DTX3L: variants seen among roughly 807,000 people sequenced by gnomAD.
DTX3L encodes deltex E3 ubiquitin ligase 3L.
In DTX3L, 34 loss-of-function variants were observed where a neutral mutation model predicts 60.9. That is an observed-to-expected ratio of 0.56 (90% CI 0.42 to 0.74). The LOEUF is 0.74. Among genes scored for constraint, DTX3L ranks in the 30% least tolerant of loss-of-function variants. DTX3L has a pLI of 0.00. For missense variants in DTX3L, 810 were observed against 874.0 expected (o/e 0.93, Z 0.92); for synonymous variants, 290 against 316.6 (o/e 0.92, Z 0.89).
In DTX3L at chr3:122,568,240, C is replaced by T. The variant is rs577406570; in HGVS notation, c.400-249C>T. On this transcript the variant is annotated intron_variant, in intron 2 of 4. Transcript: ENST00000296161. ...AGGAGAATTGCTTGAACCCGGGAGG[C>T]GGAGGTTGCAGTGAGCTGAGATCGC... 2.7e-4 allele frequency among the ~76,000 whole-genome samples: 41 copies of T among 152,152 alleles called. 1 individual carries two copies. The South Asian group carries it at 6.0e-3, about 22-fold the overall frequency.
In DTX3L at chr3:122,569,114, C is replaced by G. The variant is rs2080625617; in HGVS notation, c.1025C>G (p.Thr342Ser). Residue 342 changes from threonine (T) to serine (S), a missense_variant, in exon 3 of 5, where the codon ACT becomes AGT. By Grantham distance (58) the Thr-to-Ser change is moderately conservative (BLOSUM62 1). Coordinates refer to ENST00000296161, the MANE Select transcript of DTX3L (RefSeq NM_138287.3). ...LLIKEKGGEL[T>S]LLGTQDDISA... The stretch of plus-strand genomic sequence containing the variant: ...ATAAAGGAGAAAGGAGGCGAATTAA[C>G]TCTCCTTGGGACCCAAGATGACATT... 1 of 1,614,206 alleles carries G rather than the reference C, an allele frequency of 6.2e-7. No individual in the cohort carries two copies.
intron 2 of DTX3L, among the ~76,000 whole-genome samples, chr3:122,567,400 G>A (rs1425220962): frequency 6.6e-6 from 1 of 152,156 alleles, no homozygotes; most frequent in Non-Finnish European, 1.5e-5. Flanking sequence ...ATGCACTTTG[G>A]TGGCCTTGAT....
rs2080665536 is a variant in DTX3L at position 122,573,967 on chromosome 3, G to A, written c.*2220G>A. The A allele has an allele frequency of 6.6e-6, 1 of 151,388 alleles. No individual in the cohort carries two copies. Among genetic ancestry groups the A allele is most frequent in the Non-Finnish European group, 1.5e-5 (1 of 68,006 alleles). 9.4% of individuals were successfully genotyped at this position (151,388 alleles called of 1,614,324 possible). On this transcript the variant is annotated 3_prime_UTR_variant, in exon 5 of 5. Coordinates refer to ENST00000296161, the MANE Select transcript of DTX3L (RefSeq NM_138287.3). ...ATCCTCCCACCTCAGCCTCTCAAGT[G>A]GCTGGGACCACAGAAGTGCACCACC...
intron 1 of DTX3L, among the ~76,000 whole-genome samples, chr3:122,564,866 C>T (rs945188794): frequency 2.0e-5 from 3 of 152,218 alleles, no homozygotes; most frequent in Non-Finnish European, 4.4e-5. Context: ...TCCATATCCT[C>T]ATTCTAACTT....
intron 2 of DTX3L, 44 bp downstream of exon 2, chr3:122,566,114 C>G: frequency 6.5e-7 from 1 of 1,535,464 alleles, no homozygotes; most frequent in East Asian, 2.3e-5. Flanking sequence ...CGCCTCCTCT[C>G]CAGTCACCAG....
At chr3:122,570,326 G>T in intron 3 of DTX3L, 129 bp from the exon 4 acceptor site, 1 of 939,964 alleles carries the variant, frequency 1.1e-6, no homozygotes. Flanking sequence ...GAGTTATTGG[G>T]AATATGAGCA....
chr3:122,570,148 A>C (rs1226614149), intron 3 of DTX3L, 124 bp downstream of exon 3: 13 of 1,049,128 alleles, frequency 1.2e-5, no homozygotes, highest in Non-Finnish European at 1.7e-5. Flanking sequence ...GTCATGTGCA[A>C]GGGACTGAAA....
intron 2 of DTX3L, among the ~76,000 whole-genome samples, chr3:122,567,386 T>C (rs745695954): frequency 6.6e-6 from 1 of 152,246 alleles, no homozygotes; most frequent in Middle Eastern, 3.4e-3. Flanking sequence ...AAGATGATAA[T>C]GGCATGCACT....
At chr3:122,564,945 C>T (rs1299527917) in intron 1 of DTX3L, among the ~76,000 whole-genome samples, 1 of 152,180 alleles carries the variant, frequency 6.6e-6, no homozygotes, top group Admixed American at 6.5e-5. Flanking sequence ...TCAGGGATTC[C>T]ACTTTTATGT....
At chr3:122,566,573 G>A (rs2080593975) in intron 2 of DTX3L, among the ~76,000 whole-genome samples, 2 of 151,596 alleles carry the variant, frequency 1.3e-5, no homozygotes. Context: ...ATGTTGCCCA[G>A]GCTGTTCTCA....
chr3:122,571,844 T>C lies in DTX3L; in HGVS notation c.*97T>C, dbSNP rs2080647818. ...TCTAAATCCTTATGTAGAAAGGACT[T>C]TGAAATTTTTCTTCTCAAGAAATGG... On this transcript the variant is annotated 3_prime_UTR_variant, in exon 5 of 5. Transcript: ENST00000296161. The C allele has an allele frequency of 9.7e-7, 1 of 1,026,444 alleles. No individual in the cohort carries two copies. The highest frequency in any genetic ancestry group is 1.6e-5 in the African/African-American group (1 of 61,446). 63.6% of individuals were successfully genotyped at this position (1,026,444 alleles called of 1,614,324 possible).
At position 122,569,819 on chromosome 3, in the gene DTX3L, G is replaced by A. The variant is rs1199117420; in HGVS notation, c.1730G>A (p.Cys577Tyr). The stretch of plus-strand genomic sequence containing the variant: ...AGTAACAAAAAAGTGCTACCAAAGT[G>A]CAAGCATGAATTCTGCGCCCCTTGT... ...TISNKKVLPKCKHEFCAPCIN... is the reference protein window; with the variant it reads ...TISNKKVLPKYKHEFCAPCIN... The change falls in exon 3 of 5, where the codon TGC (cysteine) becomes TAC (tyrosine). Residue 577 changes from cysteine (C) to tyrosine (Y), a missense_variant. Transcript: ENST00000296161. 1.2e-6 allele frequency: 2 copies of A among 1,614,114 alleles called. No individual in the cohort carries two copies. Among genetic ancestry groups the A allele is most frequent in the Non-Finnish European group, 8.5e-7 (1 of 1,180,034 alleles).
chr3:122,571,645 G>T, intron 4 of DTX3L, 33 bp from the exon 5 acceptor site: 5 of 1,559,498 alleles, frequency 3.2e-6, no homozygotes, highest in African/African-American at 1.4e-5. Flanking sequence ...CGAACAATTT[G>T]TGGTGACACT....
At chr3:122,570,095 G>A (rs1057323019) in intron 3 of DTX3L, 71 bp downstream of exon 3, 3 of 1,485,378 alleles carry the variant, frequency 2.0e-6, no homozygotes, top group African/African-American at 2.8e-5. Context: ...AGACTGTCCT[G>A]TTGCCTATTA....
At chr3:122,565,819 TTATGTGTGTA>T (rs756775687) in intron 1 of DTX3L, 30 bp from the exon 2 acceptor site, 10 of 1,586,154 alleles carry the variant, frequency 6.3e-6, no homozygotes, top group Middle Eastern at 1.7e-4. Flanking sequence ...TCTCCCATTT[TTATGTGTGTA>T]TATGTGTGTG....
intron 3 of DTX3L, 169 bp from the exon 4 acceptor site, chr3:122,570,286 A>G: frequency 1.3e-6 from 1 of 778,236 alleles, no homozygotes; most frequent in Non-Finnish European, 2.0e-6. Context: ...CAGTGTTTCC[A>G]GCATGAATTC....
In DTX3L at chr3:122,569,942, C is replaced by T; in HGVS notation, c.1853C>T (p.Thr618Ile). Residue 618 changes from threonine (T) to isoleucine (I), a missense_variant, in exon 3 of 5, where the codon ACT (threonine) becomes ATT (isoleucine). Coordinates refer to ENST00000296161, the MANE Select transcript of DTX3L (RefSeq NM_138287.3). ...CAGCCAGAGGGAAGCATGGTTTTCA[C>T]TGTTTCAAGAGACTCACTTCCAGGT... ...GNQPEGSMVF[T>I]VSRDSLPGYE... The T allele has an allele frequency of 6.2e-7, 1 of 1,614,092 alleles. No homozygotes were observed. Among genetic ancestry groups the T allele is most frequent in the Admixed American group, 1.7e-5 (1 of 60,020 alleles).
rs1473259562 is a variant in DTX3L, at chr3:122,574,225, T to C, written c.*2478T>C. The C allele has an allele frequency of 6.6e-6, 1 of 152,174 alleles. No homozygotes were observed. Among genetic ancestry groups the C allele is most frequent in the Non-Finnish European group, 1.5e-5 (1 of 68,042 alleles). 9.4% of individuals were successfully genotyped at this position (152,174 alleles called of 1,614,324 possible). ...AACCGTAGCCCACATTGTAGTAGTT[T>C]TTCAGCTCTTTACTAAGTCCCACCA... On this transcript the variant is annotated 3_prime_UTR_variant, in exon 5 of 5. Coordinates refer to ENST00000296161, the MANE Select transcript of DTX3L (RefSeq NM_138287.3).
chr3:122,573,900 C>A lies in DTX3L; in HGVS notation c.*2153C>A. 1 of 152,218 alleles carries A rather than the reference C, an allele frequency of 6.6e-6. No individual in the cohort carries two copies. Among genetic ancestry groups the A allele is most frequent in the Non-Finnish European group, 1.5e-5 (1 of 68,102 alleles). The allele number at this position is 152,218 out of a possible 1,614,324, so 9.4% of individuals were successfully genotyped here. Reference sequence around the variant, plus strand: ...TCCCCCAGGCTGGAGTGCAGTGGCACAATGACGACTCACTGCAGCCTCAAC... The same window carrying A: ...TCCCCCAGGCTGGAGTGCAGTGGCAAAATGACGACTCACTGCAGCCTCAAC... On this transcript the variant is annotated 3_prime_UTR_variant, in exon 5 of 5. Transcript: ENST00000296161.
Sources: allele counts gnomAD v4.1 joint callset (sites outside exome capture counted in the v4.1 genomes callset), GRCh38; gene constraint gnomAD v4.1.1; transcripts MANE v1.5; gene names NCBI Gene and HGNC (gene_info 2026-07-23, HGNC 2026-07-21).